Variants in CTNNA2 observed in about 807,000 individuals in gnomAD.
CTNNA2 encodes catenin alpha 2.
Under a neutral mutation model 101.0 loss-of-function variants are expected in CTNNA2, and 42 were observed. The observed-to-expected ratio is 0.42, with a 90% confidence interval of 0.32 to 0.54. The LOEUF (loss-of-function observed/expected upper bound fraction) is 0.54, where lower values mean the gene tolerates loss of function less well. Ranked by LOEUF, CTNNA2 falls within the 20% of genes least tolerant of loss-of-function variation. The pLI is 0.14. For synonymous variants in CTNNA2, 450 were observed against 456.4 expected, an observed-to-expected ratio of 0.99 and a Z score of 0.18; for missense variants, 871 against 1,223.1, an observed-to-expected ratio of 0.71 and a Z score of 4.29.
chr2:80,268,332 A>C (rs1673182722), intron 7 of CTNNA2, among the ~76,000 whole-genome samples: 1 of 152,238 alleles, frequency 6.6e-6, no homozygotes, highest in Non-Finnish European at 1.5e-5. Flanking sequence ...GAAATTTGCA[A>C]ACCTGTCCTA....
chr2:80,011,196 C>G (rs896377238), intron 7 of CTNNA2, among the ~76,000 whole-genome samples: 1 of 152,078 alleles, frequency 6.6e-6, no homozygotes, highest in East Asian at 1.9e-4. Context: ...ATTATAAAAG[C>G]CTTCACATCA....
chr2:79,331,286 C>T (rs917238550), intron 3 of CTNNA2, among the ~76,000 whole-genome samples: 5 of 152,102 alleles, frequency 3.3e-5, no homozygotes, highest in African/African-American at 1.2e-4. Context: ...ATGCCCTTCT[C>T]TTGTGGAGTC....
intron 6 of CTNNA2, among the ~76,000 whole-genome samples, chr2:79,905,789 A>C (rs1292626675): frequency 6.6e-6 from 1 of 152,150 alleles, no homozygotes; most frequent in Non-Finnish European, 1.5e-5. Context: ...GTGTGTTAGG[A>C]TAGATGGCTT....
chr2:80,267,834 A>G (rs1281575241), intron 7 of CTNNA2, among the ~76,000 whole-genome samples: 1 of 152,190 alleles, frequency 6.6e-6, no homozygotes, highest in Non-Finnish European at 1.5e-5. Flanking sequence ...TGAGAGTCTA[A>G]GGGGAGTAGG....
intron 7 of CTNNA2, among the ~76,000 whole-genome samples, chr2:80,315,431 A>G (rs1175239845): frequency 6.6e-6 from 1 of 152,170 alleles, no homozygotes; most frequent in Admixed American, 6.5e-5. Flanking sequence ...TTAGCAGAAG[A>G]CTGGACAATC....
intron 4 of CTNNA2, among the ~76,000 whole-genome samples, chr2:79,422,972 A>G (rs1392212236): frequency 6.6e-6 from 1 of 152,136 alleles, no homozygotes; most frequent in Non-Finnish European, 1.5e-5. Context: ...CAAGGTTAGT[A>G]TTGTAGAAGA....
Position 79,419,733 on chromosome 2 carries a change from G to A in CTNNA2, c.-135+45720G>A, listed in dbSNP as rs13414106. Among the ~76,000 whole-genome samples the A allele has an allele frequency of 8.7e-3, 1,317 of 152,170 alleles. 20 individuals carry two copies. The highest frequency in any genetic ancestry group is 0.03 in the African/African-American group (1,247 of 41,520). Reference sequence around the variant, plus strand: ...GAACAAGTTAACATATAACTTCGTAGTGTGAGGACTTTAATAATAAATAGC... The same window carrying A: ...GAACAAGTTAACATATAACTTCGTAATGTGAGGACTTTAATAATAAATAGC... On this transcript the variant is annotated intron_variant, in intron 4 of 21. Transcript: ENST00000466387.
chr2:79,669,699 C>T (rs1027133653), intron 2 of CTNNA2, among the ~76,000 whole-genome samples: 7 of 152,118 alleles, frequency 4.6e-5, no homozygotes, highest in African/African-American at 1.2e-4. Flanking sequence ...GCTGGCAGGT[C>T]GTCTCTGCAG....
intron 8 of CTNNA2, among the ~76,000 whole-genome samples, chr2:80,406,446 G>A (rs991495905): frequency 6.6e-6 from 1 of 152,094 alleles, no homozygotes; most frequent in African/African-American, 2.4e-5. Flanking sequence ...TGGACTCTGA[G>A]CAGACTTCTT....
chr2:80,031,257 T>C (rs1695268994), intron 7 of CTNNA2, among the ~76,000 whole-genome samples: 1 of 152,180 alleles, frequency 6.6e-6, no homozygotes, highest in Admixed American at 6.5e-5. Flanking sequence ...CACGTTAACA[T>C]TGTTGACCCT....
intron 3 of CTNNA2, among the ~76,000 whole-genome samples, chr2:79,839,442 A>G (rs921501718): frequency 1.3e-5 from 2 of 152,062 alleles, no homozygotes; most frequent in African/African-American, 4.8e-5. Context: ...CTTCCTGAAT[A>G]AGAGAATTTA....
intron 4 of CTNNA2, among the ~76,000 whole-genome samples, chr2:79,411,331 G>T: frequency 6.6e-6 from 1 of 151,544 alleles, no homozygotes. Flanking sequence ...GTTATTTCTT[G>T]CCTTCTGCTA....
At chr2:79,938,476 T>C (rs1206809508) in intron 7 of CTNNA2, among the ~76,000 whole-genome samples, 1 of 152,248 alleles carries the variant, frequency 6.6e-6, no homozygotes, top group East Asian at 1.9e-4. Flanking sequence ...TGTGTGCTTA[T>C]GTGTGTTGGA....
intron 3 of CTNNA2, among the ~76,000 whole-genome samples, chr2:79,829,360 T>TACACGC (rs1491303596): frequency 4.4e-5 from 5 of 113,126 alleles, no homozygotes; most frequent in African/African-American, 1.8e-4. Context: ...CAACTAAAAC[T>TACACGC]ACACACACAC....
At chr2:80,307,045 TTATA>T (rs528786502) in intron 7 of CTNNA2, among the ~76,000 whole-genome samples, 1 of 148,066 alleles carries the variant, frequency 6.8e-6, no homozygotes, top group Non-Finnish European at 1.5e-5. Context: ...AATAAATAAA[TTATA>T]TATATATATT....
chr2:80,546,717 T>G (rs1692101082), intron 11 of CTNNA2, among the ~76,000 whole-genome samples: 1 of 152,190 alleles, frequency 6.6e-6, no homozygotes, highest in Admixed American at 6.5e-5. Flanking sequence ...GTCTGACCTT[T>G]AACAGGACTC....
chr2:79,460,708 C>A (rs1670868454), intron 4 of CTNNA2, among the ~76,000 whole-genome samples: 1 of 152,184 alleles, frequency 6.6e-6, no homozygotes, highest in Non-Finnish European at 1.5e-5. Flanking sequence ...ATTCAGATTT[C>A]TCTCTTCCTC....
intron 4 of CTNNA2, among the ~76,000 whole-genome samples, chr2:79,416,151 G>A (rs184856719): frequency 1.3e-4 from 19 of 151,298 alleles, no homozygotes; most frequent in African/African-American, 3.4e-4. Context: ...CTTCCTCAAT[G>A]TACTGACTTT....
chr2:80,318,887 AC>A (rs923094397), intron 7 of CTNNA2, among the ~76,000 whole-genome samples: 12 of 152,118 alleles, frequency 7.9e-5, no homozygotes, highest in Admixed American at 2.6e-4. Flanking sequence ...TTAGGGTGCT[AC>A]CCCTTACACT....
Sources: allele counts gnomAD v4.1 joint callset (sites outside exome capture counted in the v4.1 genomes callset), GRCh38; gene constraint gnomAD v4.1.1; transcripts MANE v1.5; gene names NCBI Gene and HGNC (gene_info 2026-07-23, HGNC 2026-07-21).